Variants in CLMP observed in about 807,000 individuals in gnomAD.
CLMP encodes CXADR-like membrane protein.
In CLMP, 27 loss-of-function variants were observed where a neutral mutation model predicts 45.2. The ratio of observed to expected loss-of-function variants is 0.60; its 90% CI spans 0.44 to 0.82. The LOEUF (loss-of-function observed/expected upper bound fraction) is 0.82. CLMP is among the 40% of genes least tolerant of loss of function. CLMP has a pLI of 0.00. For missense variants in CLMP, 403 were observed against 448.4 expected, an observed-to-expected ratio of 0.90 and a Z score of 0.91; for synonymous variants, 167 against 171.4, an observed-to-expected ratio of 0.97 and a Z score of 0.20.
At chr11:123,141,468 G>A (rs1861157809) in intron 1 of CLMP, among the ~76,000 whole-genome samples, 1 of 152,094 alleles carries the variant, frequency 6.6e-6, no homozygotes, top group African/African-American at 2.4e-5. Context: ...ACAGGTGTGA[G>A]CCACCGCGCC....
chr11:123,122,909 G>A (rs1860837689), intron 1 of CLMP, among the ~76,000 whole-genome samples: 4 of 151,950 alleles, frequency 2.6e-5, no homozygotes, highest in African/African-American at 7.3e-5. Flanking sequence ...CAAGGCTTTC[G>A]GAACAAATTA....
chr11:123,173,765 C>T (rs1307762346), intron 1 of CLMP, among the ~76,000 whole-genome samples: 2 of 152,116 alleles, frequency 1.3e-5, no homozygotes, highest in Non-Finnish European at 2.9e-5. Context: ...GGATGCCGCA[C>T]TCCTTCACCA....
intron 1 of CLMP, among the ~76,000 whole-genome samples, chr11:123,131,201 C>T (rs947424727): frequency 2.6e-5 from 4 of 151,938 alleles, no homozygotes; most frequent in South Asian, 2.1e-4. Context: ...ATTTTTCTTT[C>T]CCCCCAAATA....
intron 2 of CLMP, among the ~76,000 whole-genome samples, chr11:123,090,289 C>CAAAAA (rs762196704): frequency 1.7e-5 from 2 of 116,320 alleles, no homozygotes; most frequent in South Asian, 5.5e-4. Flanking sequence ...CACTAAAATA[C>CAAAAA]AAAAAAAAAA....
At chr11:123,192,605 G>T (rs1298820456) in intron 1 of CLMP, among the ~76,000 whole-genome samples, 1 of 152,114 alleles carries the variant, frequency 6.6e-6, no homozygotes, top group Non-Finnish European at 1.5e-5. Context: ...GTCAGAAGAG[G>T]GGCTGAGCTG....
At chr11:123,137,073 G>T (rs1473609728) in intron 1 of CLMP, among the ~76,000 whole-genome samples, 1 of 151,158 alleles carries the variant, frequency 6.6e-6, no homozygotes, top group African/African-American at 2.4e-5. Flanking sequence ...TTCTCCTCTA[G>T]GAAACCAAAT....
chr11:123,102,569 G>C (rs1273975791), intron 1 of CLMP, among the ~76,000 whole-genome samples: 3 of 143,574 alleles, frequency 2.1e-5, no homozygotes, highest in South Asian at 4.4e-4. Flanking sequence ...GACAGCCACC[G>C]TGCCCAGCCA....
intron 1 of CLMP, among the ~76,000 whole-genome samples, chr11:123,187,088 G>A (rs1397122912): frequency 1.3e-5 from 2 of 152,198 alleles, no homozygotes; most frequent in Non-Finnish European, 2.9e-5. Context: ...ATCACCTCAT[G>A]TAATTTTCAC....
rs1591493528 is a variant in CLMP at position 123,194,968 on chromosome 11, C to G, written c.-28G>C. On this transcript the variant is annotated 5_prime_UTR_variant, in exon 1 of 7. Transcript: ENST00000448775. ...CGATCCCCGGACGCGGGCGCTTCCC[C>G]GCTCAGCTGCTGCTTGGCTCCGGGG... The G allele has an allele frequency of 4.3e-6, 7 of 1,610,172 alleles. No individual in the cohort carries two copies. Among genetic ancestry groups the G allele is most frequent in the South Asian group, 3.3e-5 (3 of 90,804 alleles).
chr11:123,118,140 C>CT (rs1453412664), intron 1 of CLMP, among the ~76,000 whole-genome samples: 1 of 151,502 alleles, frequency 6.6e-6, no homozygotes, highest in Non-Finnish European at 1.5e-5. Flanking sequence ...ACTTTTTTTT[C>CT]TTTTTTTGAG....
At chr11:123,158,796 GC>G (rs1861448244) in intron 1 of CLMP, among the ~76,000 whole-genome samples, 1 of 152,190 alleles carries the variant, frequency 6.6e-6, no homozygotes, top group East Asian at 1.9e-4. Context: ...ACCCCTGTGA[GC>G]CCCAGGTTGT....
chr11:123,186,611 C>T (rs1861838323), intron 1 of CLMP, among the ~76,000 whole-genome samples: 1 of 151,986 alleles, frequency 6.6e-6, no homozygotes, highest in Admixed American at 6.5e-5. Flanking sequence ...CAATCTCCGC[C>T]TCCCAGGTTT....
intron 1 of CLMP, among the ~76,000 whole-genome samples, chr11:123,169,293 G>C (rs763233560): frequency 5.9e-5 from 9 of 152,206 alleles, no homozygotes; most frequent in Non-Finnish European, 1.3e-4. Flanking sequence ...GCCCTGCTGG[G>C]TTTGCAAGTA....
chr11:123,099,400 G>A (rs1297171034), intron 1 of CLMP, among the ~76,000 whole-genome samples: 1 of 152,174 alleles, frequency 6.6e-6, no homozygotes, highest in Non-Finnish European at 1.5e-5. Context: ...TATGATCAAA[G>A]GGCTATGCAA....
At chr11:123,169,832 T>TG (rs1202817667) in intron 1 of CLMP, among the ~76,000 whole-genome samples, 3 of 152,098 alleles carry the variant, frequency 2.0e-5, no homozygotes, top group Non-Finnish European at 4.4e-5. Flanking sequence ...AAGCCGGTGT[T>TG]GGGGGGTTTG....
At chr11:123,166,603 G>A (rs1270247766) in intron 1 of CLMP, among the ~76,000 whole-genome samples, 2 of 152,234 alleles carry the variant, frequency 1.3e-5, no homozygotes, top group African/African-American at 4.8e-5. Flanking sequence ...GCCTGAATGT[G>A]AGCTGCTCTC....
In CLMP at chr11:123,074,834, C is replaced by CTT; in HGVS notation, c.687_688dup (p.Ser230LysfsTer10). The CTT allele has an allele frequency of 6.2e-7, 1 of 1,612,800 alleles. No homozygotes were observed. Among genetic ancestry groups the CTT allele is most frequent in the Non-Finnish European group, 8.5e-7 (1 of 1,179,648 alleles). ...CACTGCTCCTGCAACCATGCCGATG[C>CTT]TTTGTACATCTATTTTCTCAGAAGC... On this transcript the variant is annotated frameshift_variant, in exon 6 of 7. Coordinates refer to ENST00000448775, the MANE Select transcript of CLMP (RefSeq NM_024769.5). LOFTEE classifies it high-confidence loss of function.
intron 1 of CLMP, among the ~76,000 whole-genome samples, chr11:123,176,168 T>G (rs562371188): frequency 6.6e-6 from 1 of 152,366 alleles, no homozygotes; most frequent in African/African-American, 2.4e-5. Context: ...CCTTTTTATC[T>G]TTGTTTTTGA....
At chr11:123,105,768 A>T (rs1388441569) in intron 1 of CLMP, among the ~76,000 whole-genome samples, 2 of 146,066 alleles carry the variant, frequency 1.4e-5, no homozygotes. Flanking sequence ...GAACCTTAAG[A>T]CCCCCTTCAA....
Sources: allele counts gnomAD v4.1 joint callset (sites outside exome capture counted in the v4.1 genomes callset), GRCh38; gene constraint gnomAD v4.1.1; transcripts MANE v1.5; gene names NCBI Gene and HGNC (gene_info 2026-07-23, HGNC 2026-07-21).